Variants in FRMPD4 observed in about 807,000 individuals in gnomAD.
FRMPD4 encodes FERM and PDZ domain containing 4.
In FRMPD4, 22 loss-of-function variants were observed where a neutral mutation model predicts 94.1. The ratio of observed to expected loss-of-function variants is 0.23; its 90% CI spans 0.17 to 0.33. The LOEUF is 0.33. Among genes scored for constraint, FRMPD4 ranks in the 10% least tolerant of loss-of-function variants. The probability of loss-of-function intolerance (pLI) is 1.00; values close to 1 mark genes in which losing one functional copy is unlikely to be tolerated. For missense variants in FRMPD4, 1,111 were observed against 1,339.9 expected, an observed-to-expected ratio of 0.83 and a Z score of 2.67; for synonymous variants, 631 against 548.6, an observed-to-expected ratio of 1.15 and a Z score of -2.10.
At chrX:12,509,230 A>G (rs965822963) in intron 2 of FRMPD4, among the ~76,000 whole-genome samples, 3 of 111,205 alleles carry the variant, frequency 2.7e-5, no homozygotes, top group South Asian at 3.8e-4. Context: ...CAATCCCACT[A>G]CTGGGTATCT....
At chrX:12,037,040 T>C (rs1442353550) in intron 3 of FRMPD4, among the ~76,000 whole-genome samples, 1 of 112,185 alleles carries the variant, frequency 8.9e-6, no homozygotes, top group Non-Finnish European at 1.9e-5. Flanking sequence ...TAAATATTTA[T>C]TGAGTAGCTA....
chrX:12,088,240 G>A (rs2055126531), intron 3 of FRMPD4, among the ~76,000 whole-genome samples: 1 of 111,977 alleles, frequency 8.9e-6, no homozygotes. Context: ...TGGCTGGTGA[G>A]GGCTCACTTC....
intron 2 of FRMPD4, among the ~76,000 whole-genome samples, chrX:12,583,996 C>T (rs1293784744): frequency 9.0e-6 from 1 of 111,713 alleles, no homozygotes; most frequent in Non-Finnish European, 1.9e-5. Flanking sequence ...GCAGGACCCG[C>T]GGCTCCACTT....
intron 1 of FRMPD4, among the ~76,000 whole-genome samples, chrX:12,415,983 A>G (rs955907889): frequency 2.7e-5 from 3 of 112,492 alleles, no homozygotes; most frequent in African/African-American, 9.7e-5. Flanking sequence ...TGGGCAGCAC[A>G]TAAGATAATT....
At chrX:12,538,752 A>T (rs759952000) in intron 2 of FRMPD4, among the ~76,000 whole-genome samples, 1 of 112,359 alleles carries the variant, frequency 8.9e-6, no homozygotes, top group Admixed American at 9.4e-5. Flanking sequence ...GTCCTGACTG[A>T]TAGAAGGAAA....
chrX:12,034,080 C>T (rs1473144674), intron 3 of FRMPD4, among the ~76,000 whole-genome samples: 2 of 112,370 alleles, frequency 1.8e-5, no homozygotes, highest in Non-Finnish European at 3.8e-5. Context: ...AGATTTATTT[C>T]CCAACCATAC....
intron 1 of FRMPD4, among the ~76,000 whole-genome samples, chrX:12,196,479 T>G (rs2056568456): frequency 9.0e-6 from 1 of 110,777 alleles, no homozygotes; most frequent in Non-Finnish European, 1.9e-5. Flanking sequence ...AGTTGAAGTT[T>G]GGAACTATTT....
At position 12,306,562 on chromosome X, in the gene FRMPD4, C is replaced by A. The variant is rs528003589; in HGVS notation, c.41+167550C>A. On this transcript the variant is annotated intron_variant, in intron 1 of 16. Coordinates refer to ENST00000675598, the MANE Select transcript of FRMPD4 (RefSeq NM_001368397.1). The stretch of plus-strand genomic sequence containing the variant: ...TTAAAATTAACCAAAAACTGAACTT[C>A]ATCCAGCTAATTTACTTCCTTGTGA... Among the ~76,000 whole-genome samples, 7 of 112,420 alleles carry A rather than the reference C, an allele frequency of 6.2e-5. No individual in the cohort carries two copies. The East Asian group carries it at 1.4e-3, about 22-fold the overall frequency.
At chrX:12,079,803 G>A (rs148391310) in intron 3 of FRMPD4, among the ~76,000 whole-genome samples, 2,411 of 112,141 alleles carry the variant, frequency 0.021, 66 homozygotes, top group African/African-American at 0.075. Flanking sequence ...GCTATTGGCA[G>A]CGTTAACTGA....
At chrX:11,891,641 C>A (rs188695606) in intron 3 of FRMPD4, among the ~76,000 whole-genome samples, 243 of 112,109 alleles carry the variant, frequency 2.2e-3, no homozygotes, top group African/African-American at 7.6e-3. Context: ...GGATTAAAAT[C>A]TCTGTGTTAT....
chrX:11,932,422 A>G (rs775907690), intron 3 of FRMPD4, among the ~76,000 whole-genome samples: 10 of 111,540 alleles, frequency 9.0e-5, no homozygotes, highest in Non-Finnish European at 1.9e-4. Context: ...TAAGTTTTCT[A>G]ACTTAAGGCA....
chrX:12,111,401 C>T (rs1041328828), intron 3 of FRMPD4, among the ~76,000 whole-genome samples: 1 of 111,635 alleles, frequency 9.0e-6, no homozygotes, highest in Non-Finnish European at 1.9e-5. Flanking sequence ...CTTCCTTACA[C>T]GTTATACAAA....
At chrX:12,092,907 C>T (rs1190482523) in intron 3 of FRMPD4, among the ~76,000 whole-genome samples, 1 of 111,348 alleles carries the variant, frequency 9.0e-6, no homozygotes. Context: ...AAGGGAGACT[C>T]CAGATTGTCA....
intron 2 of FRMPD4, among the ~76,000 whole-genome samples, chrX:12,549,731 T>G (rs1249418849): frequency 8.9e-6 from 1 of 112,304 alleles, no homozygotes; most frequent in Non-Finnish European, 1.9e-5. Flanking sequence ...TGTGTTTTGC[T>G]GGACACTAGT....
At chrX:11,977,111 G>A (rs753012812) in intron 3 of FRMPD4, among the ~76,000 whole-genome samples, 33 of 111,903 alleles carry the variant, frequency 2.9e-4, no homozygotes, top group Middle Eastern at 9.2e-3. Context: ...TTTAATAAAA[G>A]TTAAAAAGGC....
upstream of FRMPD4, among the ~76,000 whole-genome samples, chrX:12,136,969 G>A (rs1295311911): frequency 9.2e-6 from 1 of 108,325 alleles, no homozygotes. Context: ...GTTGAGAATA[G>A]ATTATGGCAT....
At chrX:12,219,329 G>T in intron 1 of FRMPD4, among the ~76,000 whole-genome samples, 1 of 111,119 alleles carries the variant, frequency 9.0e-6, no homozygotes, top group Non-Finnish European at 1.9e-5. Context: ...TGTTCACACC[G>T]TCGCACCCCT....
At chrX:11,994,714 A>G (rs2054487652) in intron 3 of FRMPD4, among the ~76,000 whole-genome samples, 1 of 111,860 alleles carries the variant, frequency 8.9e-6, no homozygotes, top group South Asian at 3.7e-4. Flanking sequence ...GTTGTATTTT[A>G]CATTAGATCT....
At chrX:12,680,537 T>C (rs960639027) in intron 5 of FRMPD4, among the ~76,000 whole-genome samples, 2 of 112,356 alleles carry the variant, frequency 1.8e-5, no homozygotes, top group African/African-American at 3.2e-5. Flanking sequence ...GCCTATGTAG[T>C]TGTTATCCAA....
Sources: allele counts gnomAD v4.1 joint callset (sites outside exome capture counted in the v4.1 genomes callset), GRCh38; gene constraint gnomAD v4.1.1; transcripts MANE v1.5; gene names NCBI Gene and HGNC (gene_info 2026-07-23, HGNC 2026-07-21).